Variants in CHSY3 observed in about 807,000 individuals in gnomAD.
The protein encoded by CHSY3 is chondroitin sulfate synthase 3.
Under a neutral mutation model 67.2 loss-of-function variants are expected in CHSY3, and 35 were observed. That is an observed-to-expected ratio of 0.52 (90% CI 0.40 to 0.69). The LOEUF (loss-of-function observed/expected upper bound fraction) is 0.69, where lower values mean the gene tolerates loss of function less well. Among genes scored for constraint, CHSY3 ranks in the 30% least tolerant of loss-of-function variants. The pLI is 0.00. For missense variants in CHSY3, 1,069 were observed against 1,138.5 expected, an observed-to-expected ratio of 0.94 and a Z score of 0.88; for synonymous variants, 474 against 434.7, an observed-to-expected ratio of 1.09 and a Z score of -1.12.
chr5:129,943,634 G>A lies in CHSY3; in HGVS notation c.1086+35274G>A, dbSNP rs149035212. On this transcript the variant is annotated intron_variant, in intron 2 of 2. Transcript: ENST00000305031. ...AATTTTTTCCCTTTAAACGTATTTCGTACATAAAATTTCATGAAGGGTAGA... is the reference window on the plus strand; with the variant it reads ...AATTTTTTCCCTTTAAACGTATTTCATACATAAAATTTCATGAAGGGTAGA... Among the ~76,000 whole-genome samples the A allele has an allele frequency of 3.7e-3, 563 of 151,964 alleles. 3 individuals are homozygous for A. The highest frequency in any genetic ancestry group is 0.014 in the Middle Eastern group (4 of 294).
At chr5:129,935,688 A>C (rs1014774401) in intron 2 of CHSY3, among the ~76,000 whole-genome samples, 2 of 152,192 alleles carry the variant, frequency 1.3e-5, no homozygotes, top group Non-Finnish European at 2.9e-5. Context: ...CTTGTACCAA[A>C]TTCTGAGTCA....
intron 2 of CHSY3, among the ~76,000 whole-genome samples, chr5:130,144,856 T>C (rs1001425335): frequency 6.6e-6 from 1 of 152,156 alleles, no homozygotes; most frequent in African/African-American, 2.4e-5. Flanking sequence ...AAGGTTTAAG[T>C]GGCTCACAGT....
intron 2 of CHSY3, among the ~76,000 whole-genome samples, chr5:129,934,720 A>G (rs1267774845): frequency 6.6e-6 from 1 of 152,124 alleles, no homozygotes; most frequent in African/African-American, 2.4e-5. Context: ...GATACCCCAT[A>G]TTTTGTTTTC....
At chr5:130,127,700 C>T (rs1768339302) in intron 2 of CHSY3, among the ~76,000 whole-genome samples, 1 of 152,144 alleles carries the variant, frequency 6.6e-6, no homozygotes, top group South Asian at 2.1e-4. Context: ...ATCAGAAATT[C>T]CTGATGTTGA....
At chr5:130,075,626 T>C (rs999276397) in intron 2 of CHSY3, among the ~76,000 whole-genome samples, 6 of 152,156 alleles carry the variant, frequency 3.9e-5, no homozygotes, top group African/African-American at 1.4e-4. Flanking sequence ...AGCATCTAGT[T>C]AGATAAAGGT....
intron 2 of CHSY3, among the ~76,000 whole-genome samples, chr5:130,178,227 T>TA (rs1561571814): frequency 0.012 from 792 of 65,616 alleles, 29 homozygotes; most frequent in Non-Finnish European, 0.016. Context: ...ATATTTATAT[T>TA]TATATATATA....
intron 2 of CHSY3, among the ~76,000 whole-genome samples, chr5:129,994,636 T>G (rs1763475837): frequency 6.6e-6 from 1 of 152,080 alleles, no homozygotes; most frequent in Non-Finnish European, 1.5e-5. Context: ...AGCAAAGACT[T>G]GGAACCAACC....
Position 130,093,170 on chromosome 5 carries a change from A to G in CHSY3, c.1087-91059A>G, listed in dbSNP as rs551758307. ...TCCATTGAATTTAGAGAGTTTTCTTATGACTACTTTTGGAAATTCCTAGAA... is the reference window on the plus strand; with the variant it reads ...TCCATTGAATTTAGAGAGTTTTCTTGTGACTACTTTTGGAAATTCCTAGAA... On this transcript the variant is annotated intron_variant, in intron 2 of 2. Coordinates refer to ENST00000305031, the MANE Select transcript of CHSY3 (RefSeq NM_175856.5). Among the ~76,000 whole-genome samples the G allele has an allele frequency of 4.6e-5, 7 of 152,316 alleles. No homozygotes were observed. In the South Asian group the frequency reaches 1.0e-3, roughly 23 times the overall value.
At chr5:130,147,961 A>G (rs1769120789) in intron 2 of CHSY3, among the ~76,000 whole-genome samples, 2 of 152,038 alleles carry the variant, frequency 1.3e-5, no homozygotes, top group Admixed American at 6.6e-5. Context: ...CCAAGTATTA[A>G]CCACAACAAC....
rs139439328 is a variant in CHSY3, at chr5:129,912,448, T to A, written c.1086+4088T>A. 5.7e-3 allele frequency among the ~76,000 whole-genome samples: 864 copies of A among 152,264 alleles called. 3 individuals are homozygous for A. Among genetic ancestry groups the A allele is most frequent in the African/African-American group, 0.02 (820 of 41,554 alleles). On this transcript the variant is annotated intron_variant, in intron 2 of 2. Coordinates refer to ENST00000305031, the MANE Select transcript of CHSY3 (RefSeq NM_175856.5). ...CTCCTCCTGGTGTACCTCAGGTCTTTGAGGTAATGATCTGCAGCTTCTGGC... is the reference window on the plus strand; with the variant it reads ...CTCCTCCTGGTGTACCTCAGGTCTTAGAGGTAATGATCTGCAGCTTCTGGC...
intron 2 of CHSY3, among the ~76,000 whole-genome samples, chr5:130,152,069 A>G (rs1201018246): frequency 6.6e-6 from 1 of 152,232 alleles, no homozygotes; most frequent in East Asian, 1.9e-4. Context: ...CTGCATCAGA[A>G]TCACTTGGAG....
At chr5:130,178,691 T>C (rs73248941) in intron 2 of CHSY3, among the ~76,000 whole-genome samples, 8,593 of 152,204 alleles carry the variant, frequency 0.056, 799 homozygotes, top group African/African-American at 0.19. Flanking sequence ...CTGCTCAAGA[T>C]TGAGCATAAG....
At chr5:129,975,912 T>C (rs1440838753) in intron 2 of CHSY3, among the ~76,000 whole-genome samples, 2 of 152,104 alleles carry the variant, frequency 1.3e-5, no homozygotes, top group Non-Finnish European at 2.9e-5. Flanking sequence ...TTTCTCTTTA[T>C]ATGGGCAAGG....
chr5:130,007,573 C>T (rs1231382145), intron 2 of CHSY3, among the ~76,000 whole-genome samples: 1 of 152,110 alleles, frequency 6.6e-6, no homozygotes, highest in African/African-American at 2.4e-5. Context: ...TGCCACAGAC[C>T]TCCAGAATCC....
chr5:129,979,860 T>C (rs1021702804), intron 2 of CHSY3, among the ~76,000 whole-genome samples: 8 of 152,200 alleles, frequency 5.3e-5, no homozygotes, highest in African/African-American at 1.7e-4. Flanking sequence ...CATAACCTTT[T>C]TCGCTTGGTT....
At chr5:130,133,607 A>G (rs1372309375) in intron 2 of CHSY3, among the ~76,000 whole-genome samples, 3 of 151,692 alleles carry the variant, frequency 2.0e-5, no homozygotes, top group Non-Finnish European at 2.9e-5. Context: ...CCCCATCTAT[A>G]CTAAATATAC....
chr5:130,049,027 G>A (rs1765241686), intron 2 of CHSY3, among the ~76,000 whole-genome samples: 1 of 151,932 alleles, frequency 6.6e-6, no homozygotes, highest in Non-Finnish European at 1.5e-5. Context: ...ACAGAATTCT[G>A]ATGGTGAGTA....
chr5:130,010,456 C>G (rs1200650707), intron 2 of CHSY3, among the ~76,000 whole-genome samples: 3 of 152,100 alleles, frequency 2.0e-5, no homozygotes, highest in Non-Finnish European at 4.4e-5. Context: ...TACAATACAC[C>G]AGAATCTCTG....
At chr5:129,932,723 A>G (rs1655928760) in intron 2 of CHSY3, among the ~76,000 whole-genome samples, 1 of 152,128 alleles carries the variant, frequency 6.6e-6, no homozygotes, top group Non-Finnish European at 1.5e-5. Context: ...TAGAGTTAAA[A>G]TATTGACTAA....
Sources: allele counts gnomAD v4.1 joint callset (sites outside exome capture counted in the v4.1 genomes callset), GRCh38; gene constraint gnomAD v4.1.1; transcripts MANE v1.5; gene names NCBI Gene and HGNC (gene_info 2026-07-23, HGNC 2026-07-21).